The following MYO18B variants were observed in gnomAD, a reference collection of about 807,000 sequenced individuals.
The protein encoded by MYO18B is unconventional myosin-XVIIIb.
In MYO18B, 204 loss-of-function variants were observed where a neutral mutation model predicts 273.0. The observed-to-expected ratio is 0.75, with a 90% CI of 0.67 to 0.84. MYO18B has a LOEUF of 0.84. MYO18B is among the 40% of genes least tolerant of loss of function. The pLI is 0.00. For missense variants in MYO18B, 3,212 were observed against 3,287.6 expected (o/e 0.98, Z 0.56); for synonymous variants, 1,330 against 1,305.7 (o/e 1.02, Z -0.40).
chr22:25,817,433 C>A (rs7287973), intron 12 of MYO18B, among the ~76,000 whole-genome samples: 5,094 of 133,150 alleles, frequency 0.038, 292 homozygotes, highest in African/African-American at 0.13. Flanking sequence ...TTTCCCTTTC[C>A]TTTCCCTTTC....
intron 33 of MYO18B, among the ~76,000 whole-genome samples, chr22:25,919,165 C>T (rs965518756): frequency 2.0e-5 from 3 of 152,180 alleles, no homozygotes; most frequent in Non-Finnish European, 2.9e-5. Context: ...CTTCCTCCAC[C>T]TCCCCTAGCT....
At position 25,898,450 on chromosome 22, in the gene MYO18B, G is replaced by A. The variant is rs1188439051; in HGVS notation, c.4812G>A (p.Lys1604=). ...AAAGTCGAAACCATGAGCTGGAGAA[G>A]AAGCAGAAGAAGTGAGTTGCATCTC... ...NQQSRNHELE[K]KQKKFDLQLA... Residue 1604 remains lysine, a synonymous_variant, in exon 29 of 44, where the codon AAG becomes AAA. Transcript: ENST00000335473. 6.2e-7 allele frequency: 1 copy of A among 1,613,658 alleles called. No individual in the cohort carries two copies.
intron 34 of MYO18B, among the ~76,000 whole-genome samples, chr22:25,945,712 GCCTCCCCTCC>G (rs1470095228): frequency 1.8e-4 from 2 of 11,422 alleles, no homozygotes; most frequent in Admixed American, 9.2e-4. Context: ...CTCTCCCCTC[GCCTCCCCTCC>G]CCTCCCCTCG....
chr22:26,002,740 A>T (rs905889855), intron 40 of MYO18B, among the ~76,000 whole-genome samples: 7 of 152,262 alleles, frequency 4.6e-5, no homozygotes, highest in Admixed American at 3.3e-4. Context: ...AAATGGAGAC[A>T]CATGGGGTAG....
chr22:25,796,974 T>A (rs1425811701), intron 11 of MYO18B, among the ~76,000 whole-genome samples: 3 of 152,220 alleles, frequency 2.0e-5, no homozygotes, highest in African/African-American at 7.2e-5. Flanking sequence ...ACGCCTGTAA[T>A]CCCAGCACTT....
chr22:25,789,563 G>C lies in MYO18B; in HGVS notation c.2376+4072G>C, dbSNP rs5996975. 1.3e-3 allele frequency among the ~76,000 whole-genome samples: 203 copies of C among 151,944 alleles called. 1 individual carries two copies. The highest frequency in any genetic ancestry group is 4.4e-3 in the African/African-American group (183 of 41,434). ...AGGCAGGAGAATCACTGGGACCTGG[G>C]AGGCAGAGGCTGCAGTGAGCTGAGA... On this transcript the variant is annotated intron_variant, in intron 11 of 43. Coordinates refer to ENST00000335473, the MANE Select transcript of MYO18B (RefSeq NM_032608.7).
chr22:26,045,768 A>T, the MYO18B span, among the ~76,000 whole-genome samples: 3 of 152,224 alleles, frequency 2.0e-5, no homozygotes, highest in African/African-American at 7.2e-5. Context: ...TACCTTCAAG[A>T]CTGCCACCCG....
chr22:25,826,669 G>T (rs140917132), intron 14 of MYO18B, among the ~76,000 whole-genome samples, 170 bp downstream of exon 14: 1 of 152,322 alleles, frequency 6.6e-6, no homozygotes, highest in African/African-American at 2.4e-5. Context: ...TGTGAGGTCG[G>T]CAAATCAGTT....
At position 26,027,783 on chromosome 22, in the gene MYO18B, C is replaced by A; in HGVS notation, c.*12+93C>A. 7.5e-7 allele frequency: 1 copy of A among 1,325,426 alleles called. No individual in the cohort carries two copies. The highest frequency in any genetic ancestry group is 1.0e-6 in the Non-Finnish European group (1 of 990,472). The allele number at this position is 1,325,426 out of a possible 1,614,324, so 82.1% of individuals were successfully genotyped here. A position where few individuals can be genotyped will look rare whatever the true frequency, so the allele number is the denominator to read the frequency against. On this transcript the variant is annotated intron_variant, in intron 43 of 43. Coordinates refer to ENST00000335473, the MANE Select transcript of MYO18B (RefSeq NM_032608.7). This position sits in a 1 kb window ranked among gnomAD's most constrained non-coding sequence, Gnocchi z 4.1. ...GGTGCCACTACTGTCCTTAATGCCA[C>A]AACCGATTTCTCTAGAGACCAAGAT...
chr22:25,863,751 G>A (rs1388859692), intron 21 of MYO18B, among the ~76,000 whole-genome samples: 3 of 152,134 alleles, frequency 2.0e-5, no homozygotes, highest in Admixed American at 1.3e-4. Context: ...TCTACGTTCT[G>A]TTTGGCCCTT....
intron 25 of MYO18B, among the ~76,000 whole-genome samples, chr22:25,884,517 T>C (rs2091439922): frequency 6.6e-6 from 1 of 152,118 alleles, no homozygotes; most frequent in Non-Finnish European, 1.5e-5. Context: ...GGAAGAGACA[T>C]GGTGGTCATA....
intron 22 of MYO18B, among the ~76,000 whole-genome samples, chr22:25,868,899 G>T (rs1226192770): frequency 1.3e-5 from 2 of 152,194 alleles, no homozygotes; most frequent in Admixed American, 6.5e-5. Flanking sequence ...TTCCAAATAT[G>T]CTCAGATGTT....
intron 22 of MYO18B, among the ~76,000 whole-genome samples, chr22:25,872,446 C>A (rs2269635): frequency 0.21 from 32,247 of 152,090 alleles, 3,851 homozygotes; most frequent in East Asian, 0.4. Context: ...GCAACTGATT[C>A]TGCAAACTTG....
rs146220842 is a variant in MYO18B, at chr22:25,961,582, C to T, written c.6156+6218C>T. ...TATTCCTGTCCCTTTGTCATTACAG[C>T]GATGAAGCAACTCCTCTGTGGATGT... is the stretch of plus-strand genomic sequence containing the variant. On this transcript the variant is annotated intron_variant, in intron 39 of 43. Coordinates refer to ENST00000335473, the MANE Select transcript of MYO18B (RefSeq NM_032608.7). Among the ~76,000 whole-genome samples, 333 of 152,264 alleles carry T rather than the reference C, an allele frequency of 2.2e-3. 4 individuals carry two copies. Among genetic ancestry groups the T allele is most frequent in the African/African-American group, 7.3e-3 (302 of 41,558 alleles).
intron 38 of MYO18B, among the ~76,000 whole-genome samples, chr22:25,952,631 G>GT (rs1447650897): frequency 2.0e-5 from 3 of 151,828 alleles, no homozygotes; most frequent in Non-Finnish European, 4.4e-5. Context: ...CTATCCTCAC[G>GT]TATGTCTCTC....
chr22:25,976,486 A>G (rs568340137), intron 39 of MYO18B, among the ~76,000 whole-genome samples: 148 of 152,300 alleles, frequency 9.7e-4, no homozygotes, highest in Non-Finnish European at 1.7e-3. Flanking sequence ...CTCTGTTAAT[A>G]TCCTTGTGCC....
At position 25,849,755 on chromosome 22, in the gene MYO18B, T is replaced by C. The variant is rs563637624; in HGVS notation, c.3776-1715T>C. Reference sequence around the variant, plus strand: ...CCCTAGAGCTTATCTCCCTGTCCTCTCCTATAATAGCTCATATCGCTGAAG... The same window carrying C: ...CCCTAGAGCTTATCTCCCTGTCCTCCCCTATAATAGCTCATATCGCTGAAG... On this transcript the variant is annotated intron_variant, in intron 20 of 43. Transcript: ENST00000335473. 5.3e-5 allele frequency among the ~76,000 whole-genome samples: 8 copies of C among 152,278 alleles called. No individual in the cohort carries two copies. The South Asian group carries it at 1.7e-3, about 32-fold the overall frequency.
At chr22:25,913,771 G>T (rs926201196) in intron 33 of MYO18B, among the ~76,000 whole-genome samples, 3 of 151,988 alleles carry the variant, frequency 2.0e-5, no homozygotes, top group Non-Finnish European at 4.4e-5. Flanking sequence ...TCCATTTTTG[G>T]TTACGTATTT....
chr22:25,945,390 G>GGCCA (rs1382953623), intron 34 of MYO18B, among the ~76,000 whole-genome samples: 1 of 152,062 alleles, frequency 6.6e-6, no homozygotes, highest in Non-Finnish European at 1.5e-5. Flanking sequence ...AGAGGGCAGG[G>GGCCA]GCCAGCTTGA....
Sources: gnomAD v4.1 joint callset for allele counts (sites outside exome capture counted in the v4.1 genomes callset) on GRCh38, gnomAD v4.1.1 for gene constraint, Gnocchi (gnomAD v3.1) non-coding constraint, MANE v1.5 for transcripts, NCBI Gene and HGNC (gene_info 2026-07-23, HGNC 2026-07-21) for gene names.